MACF1: variants seen among roughly 807,000 people sequenced by gnomAD.
MACF1 encodes microtubule-actin cross-linking factor 1.
A neutral mutation model predicts 854.8 loss-of-function variants in MACF1; 193 were observed. The ratio of observed to expected loss-of-function variants is 0.23; its 90% CI spans 0.20 to 0.25. The LOEUF (loss-of-function observed/expected upper bound fraction) is 0.25. MACF1 is among the 10% of genes least tolerant of loss of function. The pLI, the probability that MACF1 is intolerant of heterozygous loss-of-function variation, is 1.00. For missense variants in MACF1, 7,722 were observed against 8,929.1 expected, an observed-to-expected ratio of 0.86 and a Z score of 5.45; for synonymous variants, 3,185 against 3,226.7, an observed-to-expected ratio of 0.99 and a Z score of 0.44.
intron 58 of MACF1, among the ~76,000 whole-genome samples, chr1:39,391,212 G>A (rs916661911): frequency 2.6e-5 from 4 of 151,810 alleles, no homozygotes; most frequent in Admixed American, 6.6e-5. Context: ...TATGTATTAT[G>A]CATAAGTTTT....
intron 58 of MACF1, among the ~76,000 whole-genome samples, chr1:39,396,301 C>T (rs891766274): frequency 2.2e-5 from 3 of 138,716 alleles, no homozygotes; most frequent in Admixed American, 7.6e-5. Context: ...ACCTGGGTGA[C>T]AGAGCGAGAC....
chr1:39,469,648 A>T, intron 97 of MACF1, 33 bp downstream of exon 97: 3 of 1,497,914 alleles, frequency 2.0e-6, no homozygotes, highest in Non-Finnish European at 2.7e-6. Flanking sequence ...TCTTCCTCAC[A>T]CCCTAGCCCA....
At position 39,229,659 on chromosome 1, in the gene MACF1, G is replaced by A. The variant is rs116651078; in HGVS notation, c.110-1523G>A. On this transcript the variant is annotated intron_variant, in intron 1 of 100. Coordinates refer to ENST00000564288, the MANE Select transcript of MACF1 (RefSeq NM_001394062.1). ...TGTAGTAGTAGGCAGTTAGGCAGGG[G>A]GAGTTCCTGGGGTATTAGTGAGGGC... Among the ~76,000 whole-genome samples, 768 of 152,264 alleles carry A rather than the reference G, an allele frequency of 5.0e-3. 5 individuals are homozygous for A. Among genetic ancestry groups the A allele is most frequent in the African/African-American group, 0.018 (734 of 41,542 alleles).
chr1:39,417,778 G>T (rs1643383475), intron 58 of MACF1, among the ~76,000 whole-genome samples: 1 of 115,676 alleles, frequency 8.6e-6, no homozygotes, highest in Non-Finnish European at 1.7e-5. Context: ...GGGTTTCACT[G>T]TGTTGGCCAG....
Position 39,370,018 on chromosome 1 carries a change from C to T in MACF1, c.12939-12C>T, listed in dbSNP as rs751693133. Reference sequence around the variant, plus strand: ...CTTAGTCTGGCAAGTAACAAAACTGCTTCATTGACAGAGAGAAAGATGCAT... The same window carrying T: ...CTTAGTCTGGCAAGTAACAAAACTGTTTCATTGACAGAGAGAAAGATGCAT... On this transcript the variant is annotated splice_polypyrimidine_tract_variant and intron_variant, in intron 50 of 100. Coordinates refer to ENST00000564288, the MANE Select transcript of MACF1 (RefSeq NM_001394062.1). 1 of 1,606,174 alleles carries T rather than the reference C, an allele frequency of 6.2e-7. No homozygotes were observed. Among genetic ancestry groups the T allele is most frequent in the South Asian group, 1.1e-5 (1 of 89,694 alleles).
At position 39,315,664 on chromosome 1, in the gene MACF1, A is replaced by T; in HGVS notation, c.3422A>T (p.Tyr1141Phe). The change falls in exon 27 of 101, where the codon TAT (tyrosine) becomes TTT (phenylalanine). Residue 1141 changes from tyrosine to phenylalanine, a missense_variant. Transcript: ENST00000564288. ...CTGGTGGAGAAGATGGACCATGTCT[A>T]TGGTCTCTCTACTGTATATCTGAAT... The part of the protein sequence containing the change: ...NLLVEKMDHV[Y>F]GLSTVYLNKL... 6.2e-7 allele frequency: 1 copy of T among 1,614,082 alleles called. No individual in the cohort carries two copies. Among genetic ancestry groups the T allele is most frequent in the South Asian group, 1.1e-5 (1 of 91,076 alleles).
chr1:39,132,018 C>T (rs1420273749), intron 2 of MACF1, among the ~76,000 whole-genome samples: 1 of 152,186 alleles, frequency 6.6e-6, no homozygotes, highest in African/African-American at 2.4e-5. Context: ...AGTGTTCCAT[C>T]TGACTACCTT....
At chr1:39,202,655 A>T (rs794638), upstream of MACF1, among the ~76,000 whole-genome samples, 151,995 of 152,082 alleles carry the variant, frequency 1, 75,954 homozygotes, top group Middle Eastern at 1. Flanking sequence ...AAAGTAAACT[A>T]TCCCCCATTG....
rs538598527 is a variant in MACF1, at chr1:39,341,836, C to T, written c.10581+883C>T. ...TCTTTATAAATGAGCATCTAGGATC[C>T]GTCCTTTGTTTCTTTTTTGACCACG... On this transcript the variant is annotated intron_variant, in intron 40 of 100. Transcript: ENST00000564288. Among the ~76,000 whole-genome samples, 132 of 151,236 alleles carry T rather than the reference C, an allele frequency of 8.7e-4. 1 individual carries two copies. Among genetic ancestry groups the T allele is most frequent in the African/African-American group, 3.1e-3 (127 of 41,210 alleles).
chr1:39,469,518 T>C (rs1242049267), intron 96 of MACF1, 29 bp from the exon 97 acceptor site: 1 of 1,519,526 alleles, frequency 6.6e-7, no homozygotes. Flanking sequence ...CCTGTCTGTT[T>C]CTTTCTGTTT....
intron 15 of MACF1, among the ~76,000 whole-genome samples, chr1:39,288,429 T>G (rs59659818): frequency 0.032 from 4,639 of 146,342 alleles, 230 homozygotes; most frequent in African/African-American, 0.11. Flanking sequence ...ACCAGGGAAG[T>G]GAAGCTTGCA....
At chr1:39,398,648 G>T (rs768013160) in intron 58 of MACF1, among the ~76,000 whole-genome samples, 4 of 152,164 alleles carry the variant, frequency 2.6e-5, no homozygotes, top group Non-Finnish European at 5.9e-5. Flanking sequence ...CTCGCTGGGG[G>T]TGCTTCTGTG....
chr1:39,442,471 A>G lies in MACF1; in HGVS notation c.19008A>G (p.Leu6336=), dbSNP rs755565581. The G allele has an allele frequency of 1.9e-6, 3 of 1,614,210 alleles. No individual in the cohort carries two copies. Among genetic ancestry groups the G allele is most frequent in the South Asian group, 1.1e-5 (1 of 91,090 alleles). ...LGQFQHALEE[L]MSWLTHTEEL... ...AGTTCCAGCATGCCTTAGAGGAACT[A>G]ATGAGTTGGCTGACTCATACCGAAG... is the stretch of plus-strand genomic sequence containing the variant. Residue 6336 remains leucine, a synonymous_variant, in exon 77 of 101, where the codon CTA becomes CTG. Coordinates refer to ENST00000564288, the MANE Select transcript of MACF1 (RefSeq NM_001394062.1).
chr1:39,309,873 G>A (rs1010911528), intron 24 of MACF1, among the ~76,000 whole-genome samples, 177 bp downstream of exon 24: 2 of 152,200 alleles, frequency 1.3e-5, no homozygotes, highest in African/African-American at 2.4e-5. Flanking sequence ...AATTTGAATG[G>A]TAAAGGAAAT....
intron 27 of MACF1, 46 bp from the exon 28 acceptor site, chr1:39,316,345 C>G: frequency 6.5e-7 from 1 of 1,543,500 alleles, no homozygotes; most frequent in Non-Finnish European, 8.8e-7. Context: ...AACCCTGGCT[C>G]CTAAAATTCA....
chr1:39,473,709 G>C (rs149252966), intron 97 of MACF1, among the ~76,000 whole-genome samples: 1 of 137,502 alleles, frequency 7.3e-6, no homozygotes, highest in African/African-American at 2.7e-5. Context: ...TGAGAGACTT[G>C]TTTTCAGAGG....
intron 2 of MACF1, among the ~76,000 whole-genome samples, chr1:39,232,984 G>A (rs1298792891): frequency 6.6e-6 from 1 of 151,474 alleles, no homozygotes; most frequent in Non-Finnish European, 1.5e-5. Context: ...GGTTCTCACT[G>A]TGCTGCCCAG....
intron 2 of MACF1, among the ~76,000 whole-genome samples, chr1:39,109,924 A>G (rs908157940): frequency 6.6e-6 from 1 of 152,220 alleles, no homozygotes; most frequent in Non-Finnish European, 1.5e-5. Flanking sequence ...TTTAAGTGAC[A>G]TACATTTCCA....
Position 39,387,936 on chromosome 1 carries a change from C to G in MACF1, c.15094C>G (p.Gln5032Glu). 6.2e-7 allele frequency: 1 copy of G among 1,613,896 alleles called. No individual in the cohort carries two copies. The highest frequency in any genetic ancestry group is 8.5e-7 in the Non-Finnish European group (1 of 1,180,000). Residue 5032 changes from glutamine (Q) to glutamate (E), a missense_variant, in exon 58 of 101, where the codon CAA (glutamine) becomes GAA (glutamate). This residue lies in a region of MACF1 where 2,807 missense variants were observed against 3,235.8 expected (regional missense o/e 0.87). Coordinates refer to ENST00000564288, the MANE Select transcript of MACF1 (RefSeq NM_001394062.1). The part of the protein sequence containing the change: ...IEKKVEGAKH[Q>E]LEIFDALGSQ... ...AAAGAAGGTTGAAGGAGCCAAACAC[C>G]AACTTGAGATCTTTGATGCTCTGGG...
Sources: gnomAD v4.1 joint callset for allele counts (sites outside exome capture counted in the v4.1 genomes callset) on GRCh38, gnomAD v4.1.1 for gene constraint, gnomAD v4.1.1 regional missense constraint, MANE v1.5 for transcripts, NCBI Gene and HGNC (gene_info 2026-07-23, HGNC 2026-07-21) for gene names.